NCK2: variants seen among roughly 807,000 people sequenced by gnomAD.
The protein encoded by NCK2 is NCK adaptor protein 2, also known as cytoplasmic protein NCK2.
In NCK2, 16 loss-of-function variants were observed where a neutral mutation model predicts 33.9. That is an observed-to-expected ratio of 0.47 (90% CI 0.32 to 0.72). NCK2 has a LOEUF of 0.72. Among genes scored for constraint, NCK2 ranks in the 30% least tolerant of loss-of-function variants. The probability of loss-of-function intolerance (pLI) is 0.03; values close to 1 mark genes in which losing one functional copy is unlikely to be tolerated. For synonymous variants in NCK2, 273 were observed against 239.9 expected, an observed-to-expected ratio of 1.14 and a Z score of -1.27; for missense variants, 418 against 537.3, an observed-to-expected ratio of 0.78 and a Z score of 2.19.
chr2:105,769,103 A>G (rs895447937), intron 1 of NCK2, among the ~76,000 whole-genome samples: 3 of 152,178 alleles, frequency 2.0e-5, no homozygotes, highest in Non-Finnish European at 4.4e-5. Context: ...TCACCTCATT[A>G]GCATAAGCTC....
intron 1 of NCK2, among the ~76,000 whole-genome samples, chr2:105,760,874 T>G (rs1689744961): frequency 6.6e-6 from 1 of 151,758 alleles, no homozygotes; most frequent in South Asian, 2.1e-4. Context: ...CCGAAAAATC[T>G]TCATAGTTTC....
chr2:105,892,530 G>A (rs552344970), intron 4 of NCK2, among the ~76,000 whole-genome samples: 8 of 150,922 alleles, frequency 5.3e-5, no homozygotes, highest in African/African-American at 7.3e-5. Flanking sequence ...ATCAGATGCC[G>A]TTCTAGATAT....
At chr2:105,797,896 T>C (rs1691142984) in intron 1 of NCK2, among the ~76,000 whole-genome samples, 1 of 152,218 alleles carries the variant, frequency 6.6e-6, no homozygotes, top group Non-Finnish European at 1.5e-5. Context: ...TTCGCAACTT[T>C]TTTTAAGCTA....
chr2:105,868,084 G>A (rs1414836055), intron 3 of NCK2, among the ~76,000 whole-genome samples: 2 of 152,012 alleles, frequency 1.3e-5, no homozygotes, highest in African/African-American at 4.8e-5. Flanking sequence ...GAAGCTGCCT[G>A]CCTGCAAGCA....
rs371518634 is a variant in NCK2, at chr2:105,835,393, A to ATATATATATATATATATATATATATGTG, written c.-17+18792_-17+18793insTATATATATATATGTGTATATATATATA. 5.8e-5 allele frequency among the ~76,000 whole-genome samples: 3 copies of ATATATATATATATATATATATATATGTG among 51,672 alleles called. 1 individual carries two copies. The highest frequency in any genetic ancestry group is 6.6e-4 in the East Asian group (1 of 1,526). 33.9% of individuals were successfully genotyped at this position (51,672 alleles called of 152,430 possible). On this transcript the variant is annotated intron_variant, in intron 2 of 4. Transcript: ENST00000233154. ...TATATATACATATATATACACATAT[A>ATATATATATATATATATATATATATGTG]TATATATATATACGTGTATATATAT...
At chr2:105,873,831 C>T (rs1362290602) in intron 3 of NCK2, among the ~76,000 whole-genome samples, 1 of 152,200 alleles carries the variant, frequency 6.6e-6, no homozygotes, top group Non-Finnish European at 1.5e-5. Flanking sequence ...TCACCTCTGC[C>T]CTTCACTCCT....
intron 2 of NCK2, among the ~76,000 whole-genome samples, chr2:105,840,964 C>T (rs1466909795): frequency 6.7e-6 from 1 of 150,104 alleles, no homozygotes; most frequent in Non-Finnish European, 1.5e-5. Flanking sequence ...CCTTTCCTGG[C>T]TTCCCAGAAA....
chr2:105,790,627 G>A (rs564742423), intron 1 of NCK2, among the ~76,000 whole-genome samples: 16 of 152,336 alleles, frequency 1.1e-4, no homozygotes, highest in Admixed American at 2.0e-4. Context: ...TGCATCCCCC[G>A]CACCTGTCCT....
chr2:105,885,159 A>G (rs1678671713), intron 4 of NCK2, among the ~76,000 whole-genome samples: 1 of 152,196 alleles, frequency 6.6e-6, no homozygotes, highest in African/African-American at 2.4e-5. Flanking sequence ...ACAGATCACA[A>G]CTAGGATATG....
chr2:105,826,800 A>ATG (rs1675970664), intron 2 of NCK2, among the ~76,000 whole-genome samples: 1 of 151,928 alleles, frequency 6.6e-6, no homozygotes, highest in African/African-American at 2.4e-5. Flanking sequence ...CATTTTATAT[A>ATG]TGTGTATATA....
At chr2:105,850,756 A>G (rs373481456) in intron 2 of NCK2, among the ~76,000 whole-genome samples, 14 of 152,218 alleles carry the variant, frequency 9.2e-5, no homozygotes, top group Non-Finnish European at 1.9e-4. Context: ...TCAGTAGTCA[A>G]TTAGCTGGAA....
chr2:105,866,865 T>C (rs1677786155), intron 3 of NCK2, among the ~76,000 whole-genome samples: 1 of 152,214 alleles, frequency 6.6e-6, no homozygotes, highest in Admixed American at 6.5e-5. Context: ...TCCTGGGTGT[T>C]GAGTGCTTGG....
intron 1 of NCK2, among the ~76,000 whole-genome samples, chr2:105,790,363 C>T (rs1050389028): frequency 3.9e-5 from 6 of 152,220 alleles, no homozygotes; most frequent in Non-Finnish European, 8.8e-5. Context: ...CCCTGGGCTT[C>T]TCAATGCCAT....
chr2:105,745,577 C>T (rs1689255180), intron 1 of NCK2, among the ~76,000 whole-genome samples: 2 of 152,118 alleles, frequency 1.3e-5, no homozygotes, highest in Non-Finnish European at 2.9e-5. Flanking sequence ...GCGCGTGTGC[C>T]GGGGAAGAAT....
intron 1 of NCK2, among the ~76,000 whole-genome samples, chr2:105,803,178 A>T (rs1015378095): frequency 2.6e-4 from 40 of 152,328 alleles, no homozygotes; most frequent in African/African-American, 8.4e-4. Flanking sequence ...TATCTAAGAT[A>T]GTTGTTAATA....
At chr2:105,818,167 C>G (rs1252511031) in intron 2 of NCK2, among the ~76,000 whole-genome samples, 1 of 150,736 alleles carries the variant, frequency 6.6e-6, no homozygotes, top group Non-Finnish European at 1.5e-5. Flanking sequence ...TCTCAGCAAA[C>G]TATCGCAAGG....
intron 1 of NCK2, among the ~76,000 whole-genome samples, chr2:105,796,414 T>TTTTTTTTTA (rs1306302022): frequency 3.9e-5 from 6 of 152,098 alleles, no homozygotes; most frequent in Non-Finnish European, 7.4e-5. Context: ...AAAAGAGGAG[T>TTTTTTTTTA]GAACAATTCA....
intron 4 of NCK2, among the ~76,000 whole-genome samples, chr2:105,890,526 T>C (rs1175772828): frequency 6.6e-6 from 1 of 152,256 alleles, no homozygotes; most frequent in Admixed American, 6.5e-5. Context: ...AGATTAACCT[T>C]CTGGTTTCTT....
chr2:105,852,487 A>C (rs922934354), intron 2 of NCK2, among the ~76,000 whole-genome samples: 1 of 152,150 alleles, frequency 6.6e-6, no homozygotes, highest in Non-Finnish European at 1.5e-5. Context: ...AGGCAGTGGA[A>C]TTTTTAAAGC....
Sources: gnomAD v4.1 joint callset for allele counts (sites outside exome capture counted in the v4.1 genomes callset) on GRCh38, gnomAD v4.1.1 for gene constraint, MANE v1.5 for transcripts, NCBI Gene and HGNC (gene_info 2026-07-23, HGNC 2026-07-21) for gene names.